The following SHANK2 variants were observed in gnomAD, a reference collection of about 807,000 sequenced individuals.
The protein encoded by SHANK2 is SH3 and multiple ankyrin repeat domains protein 2.
A neutral mutation model predicts 133.7 loss-of-function variants in SHANK2; 43 were observed. The ratio of observed to expected loss-of-function variants is 0.32; its 90% CI spans 0.25 to 0.41. The LOEUF (loss-of-function observed/expected upper bound fraction) is 0.41. SHANK2 is among the 10% of genes least tolerant of loss of function. The probability of loss-of-function intolerance (pLI) is 1.00; values close to 1 mark genes in which losing one functional copy is unlikely to be tolerated. For missense variants in SHANK2, 1,994 were observed against 2,235.8 expected (o/e 0.89, Z 2.18); for synonymous variants, 1,017 against 952.8 (o/e 1.07, Z -1.24).
chr11:70,783,876 G>A (rs1947572961), intron 14 of SHANK2, among the ~76,000 whole-genome samples: 1 of 152,244 alleles, frequency 6.6e-6, no homozygotes, highest in Admixed American at 6.5e-5. Flanking sequence ...GGAAGAGGAA[G>A]GAGTGAAGGG....
At chr11:71,083,398 C>T (rs925075396) in intron 8 of SHANK2, among the ~76,000 whole-genome samples, 1 of 152,136 alleles carries the variant, frequency 6.6e-6, no homozygotes, top group Admixed American at 6.5e-5. Flanking sequence ...AAATGCCTCA[C>T]GTAAATTCTG....
intron 17 of SHANK2, among the ~76,000 whole-genome samples, chr11:70,599,098 T>G (rs778352365): frequency 6.6e-6 from 1 of 151,604 alleles, no homozygotes; most frequent in Non-Finnish European, 1.5e-5. Context: ...AATCAGTCGA[T>G]AAAAGATGAG....
At chr11:70,666,815 GATCCTCTGAGT>G (rs573056587) in intron 15 of SHANK2, among the ~76,000 whole-genome samples, 179 of 152,256 alleles carry the variant, frequency 1.2e-3, no homozygotes, top group African/African-American at 4.0e-3. Context: ...GCCATGCCCT[GATCCTCTGAGT>G]ATCTCCATGC....
At chr11:70,889,568 G>A (rs139136335) in intron 11 of SHANK2, among the ~76,000 whole-genome samples, 9 of 152,332 alleles carry the variant, frequency 5.9e-5, no homozygotes, top group African/African-American at 1.7e-4. Flanking sequence ...TGGGACGTCC[G>A]GCATGAGAAC....
Position 70,486,125 on chromosome 11 carries a change from G to A in SHANK2, c.4168C>T (p.Arg1390Cys), listed in dbSNP as rs371473462. ...GATGCCAGAGGGGGAGGAGGGATGC[G>A]GAATGGCAAAATCACCGCCTCTTCC... ...SMEEAVILPF[R>C]IPPPPLASVD... Residue 1390 changes from arginine to cysteine, a missense_variant, in exon 25 of 26, where the codon CGC (arginine) becomes TGC (cysteine). Transcript: ENST00000601538. The surrounding 1 kb of genome is among the most constrained non-coding windows in gnomAD (Gnocchi z 8.0). The A allele has an allele frequency of 8.7e-6, 14 of 1,613,850 alleles. No homozygotes were observed. In the Middle Eastern group the frequency reaches 6.6e-4, roughly 76 times the overall value.
At chr11:71,212,339 A>C (rs1954300457) in intron 2 of SHANK2, among the ~76,000 whole-genome samples, 1 of 152,240 alleles carries the variant, frequency 6.6e-6, no homozygotes, top group South Asian at 2.1e-4. Context: ...CTGATATCCT[A>C]TAGATAAGGT....
intron 4 of SHANK2, among the ~76,000 whole-genome samples, chr11:71,115,438 T>C (rs1478533297): frequency 6.6e-6 from 1 of 152,152 alleles, no homozygotes; most frequent in Non-Finnish European, 1.5e-5. Context: ...CACTGCACTC[T>C]AGCCTGGATG....
At chr11:70,835,280 C>T (rs1318802373) in intron 11 of SHANK2, among the ~76,000 whole-genome samples, 1 of 152,152 alleles carries the variant, frequency 6.6e-6, no homozygotes, top group Non-Finnish European at 1.5e-5. Flanking sequence ...CTTCTGAGAG[C>T]TGAGTGACTG....
At chr11:70,636,484 C>T (rs570046350) in intron 17 of SHANK2, among the ~76,000 whole-genome samples, 15 of 138,918 alleles carry the variant, frequency 1.1e-4, no homozygotes, top group South Asian at 9.3e-4. Context: ...TGTGTAAGCA[C>T]GTGTGTGAAC....
At chr11:70,819,783 G>A (rs1323458632) in intron 12 of SHANK2, among the ~76,000 whole-genome samples, 2 of 152,156 alleles carry the variant, frequency 1.3e-5, no homozygotes, top group Non-Finnish European at 2.9e-5. Flanking sequence ...AGGCCTGCAA[G>A]TGCTCCCCTG....
chr11:70,702,046 AC>A (rs1422731899), intron 14 of SHANK2, among the ~76,000 whole-genome samples: 1 of 151,288 alleles, frequency 6.6e-6, no homozygotes. Context: ...CACCACCACC[AC>A]CATCTTCTTC....
intron 10 of SHANK2, chr11:70,952,671 AT>A: frequency 3.1e-6 from 1 of 321,770 alleles, no homozygotes; most frequent in Non-Finnish European, 6.8e-6. Flanking sequence ...GCTGCTGACG[AT>A]TTTCATGCAA....
chr11:70,736,426 A>G (rs1555033576), intron 14 of SHANK2, among the ~76,000 whole-genome samples: 6 of 152,114 alleles, frequency 3.9e-5, no homozygotes. Flanking sequence ...ATCACCCTGG[A>G]TTTCCCAGGG....
intron 17 of SHANK2, among the ~76,000 whole-genome samples, chr11:70,514,392 G>GT (rs782031568): frequency 2.6e-5 from 4 of 152,244 alleles, no homozygotes; most frequent in Admixed American, 6.5e-5. Context: ...TCAAGCTGAA[G>GT]TGAAGCGGGA....
chr11:70,500,754 C>T lies in SHANK2; in HGVS notation c.2288-164G>A. On this transcript the variant is annotated intron_variant, in intron 20 of 25. Transcript: ENST00000601538. The surrounding 1 kb of genome is among the most constrained non-coding windows in gnomAD (Gnocchi z 4.5). ...ACGCTGCGAACGCAGGCTGCGCTAT[C>T]CATGGAGTGGCTTTCCCCAAACCTT... 1.1e-6 allele frequency: 1 copy of T among 920,196 alleles called. No individual in the cohort carries two copies. The highest frequency in any genetic ancestry group is 1.8e-6 in the Non-Finnish European group (1 of 570,484). 57.0% of individuals were successfully genotyped at this position (920,196 alleles called of 1,614,324 possible). A position where few individuals can be genotyped will look rare whatever the true frequency, so the allele number is the denominator to read the frequency against.
intron 17 of SHANK2, among the ~76,000 whole-genome samples, chr11:70,624,870 G>T (rs2060883388): frequency 1.3e-5 from 2 of 152,174 alleles, no homozygotes; most frequent in African/African-American, 4.8e-5. Flanking sequence ...CCAGAGCCTG[G>T]TCTCTATCGG....
chr11:70,813,285 C>T (rs1308360109), intron 12 of SHANK2, among the ~76,000 whole-genome samples: 1 of 152,088 alleles, frequency 6.6e-6, no homozygotes, highest in Non-Finnish European at 1.5e-5. Context: ...CTGGGTAGTG[C>T]AGAGAGAAGG....
At chr11:70,753,232 A>G (rs78069060) in intron 14 of SHANK2, among the ~76,000 whole-genome samples, 3 of 152,148 alleles carry the variant, frequency 2.0e-5, no homozygotes, top group Non-Finnish European at 4.4e-5. Context: ...ACACGATGAT[A>G]CTGGAAAATT....
chr11:70,493,686 G>A (rs2058929784), intron 21 of SHANK2, among the ~76,000 whole-genome samples: 1 of 152,112 alleles, frequency 6.6e-6, no homozygotes, highest in African/African-American at 2.4e-5. Context: ...CACTGGGTTG[G>A]GACAAAGCCA....
Sources: allele counts gnomAD v4.1 joint callset (sites outside exome capture counted in the v4.1 genomes callset), GRCh38; gene constraint gnomAD v4.1.1; non-coding constraint Gnocchi (gnomAD v3.1); transcripts MANE v1.5; gene names NCBI Gene and HGNC (gene_info 2026-07-23, HGNC 2026-07-21).